Variants in RBM47 observed in about 807,000 individuals in gnomAD.
The protein encoded by RBM47 is RNA-binding protein 47.
In RBM47, 21 loss-of-function variants were observed where a neutral mutation model predicts 47.1. The ratio of observed to expected loss-of-function variants is 0.45; its 90% CI spans 0.32 to 0.64. The LOEUF (loss-of-function observed/expected upper bound fraction) is 0.64. Ranked by LOEUF, RBM47 falls within the 30% of genes least tolerant of loss-of-function variation. The pLI, the probability that RBM47 is intolerant of heterozygous loss-of-function variation, is 0.05. For synonymous variants in RBM47, 375 were observed against 361.7 expected (o/e 1.04, Z -0.42); for missense variants, 708 against 870.9 (o/e 0.81, Z 2.35).
chr4:40,526,444 A>G (rs1363410109), intron 2 of RBM47, among the ~76,000 whole-genome samples: 1 of 148,390 alleles, frequency 6.7e-6, no homozygotes, highest in East Asian at 1.9e-4. Flanking sequence ...TGTACAAGAA[A>G]GTCACTGAGT....
intron 2 of RBM47, among the ~76,000 whole-genome samples, chr4:40,510,083 A>G (rs1724721882): frequency 6.8e-6 from 1 of 147,900 alleles, no homozygotes; most frequent in African/African-American, 2.5e-5. Context: ...GCTACTTAGG[A>G]GGCTGAGGAA....
chr4:40,624,127 C>T (rs751597168), intron 1 of RBM47, among the ~76,000 whole-genome samples: 12 of 152,182 alleles, frequency 7.9e-5, no homozygotes, highest in Admixed American at 3.9e-4. Flanking sequence ...GCTGGGATTA[C>T]GGTGTGAGTG....
intron 3 of RBM47, among the ~76,000 whole-genome samples, chr4:40,443,615 G>GCTAA (rs1227328910): frequency 4.0e-5 from 6 of 148,298 alleles, no homozygotes; most frequent in African/African-American, 1.5e-4. Flanking sequence ...TACTCAGGAT[G>GCTAA]CTAAGGCAGG....
chr4:40,604,755 C>T (rs1278649328), intron 1 of RBM47, among the ~76,000 whole-genome samples: 2 of 148,992 alleles, frequency 1.3e-5, no homozygotes. Flanking sequence ...CTCGCTCTGT[C>T]GCCCAGGCTG....
At chr4:40,481,276 CTT>C (rs1236509834) in intron 2 of RBM47, among the ~76,000 whole-genome samples, 12 of 119,476 alleles carry the variant, frequency 1.0e-4, no homozygotes, top group Admixed American at 2.6e-4. Flanking sequence ...TTGTTTCTTT[CTT>C]TTTTTTTTTT....
Position 40,517,808 on chromosome 4 carries a change from T to C in RBM47, c.-155+26614A>G, listed in dbSNP as rs377341059. 3.3e-5 allele frequency among the ~76,000 whole-genome samples: 5 copies of C among 152,328 alleles called. No individual in the cohort carries two copies. In the East Asian group the frequency reaches 9.6e-4, roughly 29 times the overall value. On this transcript the variant is annotated intron_variant, in intron 2 of 6. Coordinates refer to ENST00000295971, the MANE Select transcript of RBM47 (RefSeq NM_001098634.2). ...TCATTATTCCCTAAACAATACAGCA[T>C]AACAACTACTTACTAGCATTTCCAT...
At chr4:40,623,161 C>T (rs569188735) in intron 1 of RBM47, among the ~76,000 whole-genome samples, 1 of 152,268 alleles carries the variant, frequency 6.6e-6, no homozygotes, top group Admixed American at 6.5e-5. Flanking sequence ...TTGTCCGTAT[C>T]ATATGAGCTG....
intron 1 of RBM47, among the ~76,000 whole-genome samples, chr4:40,546,059 A>G (rs1049085877): frequency 6.6e-6 from 1 of 152,306 alleles, no homozygotes. Flanking sequence ...TTAGTTTTAA[A>G]TGTTCCTTCA....
intron 1 of RBM47, among the ~76,000 whole-genome samples, chr4:40,590,581 C>G (rs1734044799): frequency 6.6e-6 from 1 of 152,150 alleles, no homozygotes; most frequent in African/African-American, 2.4e-5. Context: ...AAGAGATCAG[C>G]TTTTAGCTTT....
Position 40,593,117 on chromosome 4 carries a change from C to T in RBM47, c.-240+36279G>A, listed in dbSNP as rs1476739786. On this transcript the variant is annotated intron_variant, in intron 1 of 6. Transcript: ENST00000295971. ...TCACGCCATTCTCCTGCCTCAGCCT[C>T]CCGAGTAGCTGGGACTACAGGCGCC... Among the ~76,000 whole-genome samples the T allele has an allele frequency of 5.5e-5, 8 of 146,300 alleles. No individual in the cohort carries two copies. The East Asian group carries it at 1.6e-3, about 30-fold the overall frequency.
In RBM47 at chr4:40,438,334, G is replaced by T; in HGVS notation, c.560C>A (p.Ala187Glu). The T allele has an allele frequency of 6.2e-7, 1 of 1,609,526 alleles. No homozygotes were observed. The highest frequency in any genetic ancestry group is 1.1e-5 in the South Asian group (1 of 91,084). ...GVLDVIVYASAADKMKNRGFA... is the reference protein window; with the variant it reads ...GVLDVIVYASEADKMKNRGFA... ...GCCGCGGTTCTTCATCTTGTCGGCC[G>T]CGCTGGCGTAGACGATCACGTCCAG... The change falls in exon 4 of 7, where the codon GCG (alanine) becomes GAG (glutamate). Residue 187 changes from alanine to glutamate, a missense_variant. By Grantham distance (107) the Ala-to-Glu change is moderately radical. Coordinates refer to ENST00000295971, the MANE Select transcript of RBM47 (RefSeq NM_001098634.2).
chr4:40,541,702 C>T (rs1728562333), intron 2 of RBM47, among the ~76,000 whole-genome samples: 2 of 151,772 alleles, frequency 1.3e-5, no homozygotes, highest in Non-Finnish European at 2.9e-5. Context: ...GGCACCACTG[C>T]ACTCCAACTT....
intron 3 of RBM47, among the ~76,000 whole-genome samples, chr4:40,445,746 T>C (rs1030324669): frequency 6.6e-6 from 1 of 152,240 alleles, no homozygotes; most frequent in African/African-American, 2.4e-5. Flanking sequence ...AAAGCCCATA[T>C]ACCATCAGAA....
rs1456251335 is a variant in RBM47 at position 40,593,838 on chromosome 4, C to T, written c.-240+35558G>A. ...GGCAGAGCTTGCAGTGAGCCGAGAT[C>T]GCGCCACTACACTCCAGCCTGGGTG... On this transcript the variant is annotated intron_variant, in intron 1 of 6. Coordinates refer to ENST00000295971, the MANE Select transcript of RBM47 (RefSeq NM_001098634.2). 4.7e-5 allele frequency among the ~76,000 whole-genome samples: 7 copies of T among 149,786 alleles called. No homozygotes were observed. The East Asian group carries it at 7.8e-4, about 17-fold the overall frequency.
At position 40,519,892 on chromosome 4, in the gene RBM47, T is replaced by C. The variant is rs576621447; in HGVS notation, c.-155+24530A>G. 1.1e-4 allele frequency among the ~76,000 whole-genome samples: 17 copies of C among 151,922 alleles called. No homozygotes were observed. The South Asian group carries it at 3.5e-3, about 32-fold the overall frequency. On this transcript the variant is annotated intron_variant, in intron 2 of 6. Coordinates refer to ENST00000295971, the MANE Select transcript of RBM47 (RefSeq NM_001098634.2). ...ACCATGTTGGCCAGGATGGTCTCGA[T>C]CTCTTGACTTCATGATCCACCTGCC...
intron 1 of RBM47, among the ~76,000 whole-genome samples, chr4:40,575,164 T>C (rs562869265): frequency 1.3e-5 from 2 of 152,192 alleles, no homozygotes; most frequent in Non-Finnish European, 2.9e-5. Context: ...TGTGCCAAGA[T>C]TGAGAAACCC....
rs1281984960 is a variant in RBM47, at chr4:40,629,779, G to C, written c.-623C>G. The C allele has an allele frequency of 1.3e-5, 2 of 152,178 alleles. No individual in the cohort carries two copies. Among genetic ancestry groups the C allele is most frequent in the African/African-American group, 4.8e-5 (2 of 41,452 alleles). 9.4% of individuals were successfully genotyped at this position (152,178 alleles called of 1,614,324 possible). ...CTCTCGGGCTCAGCTCCCGAGGCCGGGAGCGCGCGGCGGTTCCACCCGCAG... is the reference window on the plus strand; with the variant it reads ...CTCTCGGGCTCAGCTCCCGAGGCCGCGAGCGCGCGGCGGTTCCACCCGCAG... On this transcript the variant is annotated 5_prime_UTR_variant, in exon 1 of 7. Coordinates refer to ENST00000295971, the MANE Select transcript of RBM47 (RefSeq NM_001098634.2).
intron 1 of RBM47, among the ~76,000 whole-genome samples, chr4:40,558,524 C>T (rs1000690976): frequency 1.1e-5 from 1 of 92,644 alleles, no homozygotes; most frequent in Non-Finnish European, 2.4e-5. Flanking sequence ...ATTAAAACTA[C>T]AAAAAAAAAA....
chr4:40,480,537 T>C (rs1007678541), intron 2 of RBM47, among the ~76,000 whole-genome samples: 2 of 152,200 alleles, frequency 1.3e-5, no homozygotes, highest in Non-Finnish European at 2.9e-5. Context: ...AGAAAAACTT[T>C]GGAACTTTGA....
Sources: gnomAD v4.1 joint callset for allele counts (sites outside exome capture counted in the v4.1 genomes callset) on GRCh38, gnomAD v4.1.1 for gene constraint, MANE v1.5 for transcripts, NCBI Gene and HGNC (gene_info 2026-07-23, HGNC 2026-07-21) for gene names.